LATS2: variants seen among roughly 807,000 people sequenced by gnomAD.
LATS2 encodes serine/threonine-protein kinase LATS2.
Under a neutral mutation model 76.0 loss-of-function variants are expected in LATS2, and 24 were observed. The ratio of observed to expected loss-of-function variants is 0.32; its 90% confidence interval spans 0.23 to 0.44. The LOEUF is 0.44. Among genes scored for constraint, LATS2 ranks in the 20% least tolerant of loss-of-function variants. The probability of loss-of-function intolerance (pLI) is 1.00; values close to 1 mark genes in which losing one functional copy is unlikely to be tolerated. For synonymous variants in LATS2, 692 were observed against 635.4 expected (o/e 1.09, Z -1.34); for missense variants, 1,286 against 1,481.2 (o/e 0.87, Z 2.16).
At chr13:20,983,153 A>ATT (rs1869973260) in intron 5 of LATS2, 71 bp downstream of exon 5, 1 of 1,058,014 alleles carries the variant, frequency 9.5e-7, no homozygotes, top group Admixed American at 2.2e-5. Context: ...AGGATGGGAA[A>ATT]TTTAGTTGCT....
chr13:21,012,307 C>G (rs1871622369), intron 2 of LATS2, among the ~76,000 whole-genome samples: 2 of 152,152 alleles, frequency 1.3e-5, no homozygotes, highest in African/African-American at 4.8e-5. Context: ...GAGGGAATGT[C>G]AAGGCCTAGG....
intron 7 of LATS2, among the ~76,000 whole-genome samples, chr13:20,976,631 T>C (rs984248586): frequency 6.6e-6 from 1 of 152,078 alleles, no homozygotes; most frequent in East Asian, 1.9e-4. Context: ...AAAAGGGTAA[T>C]GGACTTGAGG....
rs549408939 is a variant in LATS2 at position 21,012,795 on chromosome 13, C to G, written c.343-21391G>C. Among the ~76,000 whole-genome samples the G allele has an allele frequency of 3.3e-4, 50 of 150,842 alleles. No homozygotes were observed. The East Asian group carries it at 7.8e-3, about 23-fold the overall frequency. ...GATTGGGTGAATCACACCCCCCCCC[C>G]ACCTCCTAGGAAATAAGGGTTCCTA... On this transcript the variant is annotated intron_variant, in intron 2 of 7. Transcript: ENST00000382592.
chr13:20,981,444 T>C (rs1209107183), intron 6 of LATS2, 22 bp downstream of exon 6: 1 of 1,600,236 alleles, frequency 6.2e-7, no homozygotes, highest in East Asian at 2.2e-5. Flanking sequence ...TCCTGCGGGG[T>C]GGCTGGCCAT....
At chr13:21,051,835 T>C (rs1199348630) in intron 1 of LATS2, among the ~76,000 whole-genome samples, 1 of 151,732 alleles carries the variant, frequency 6.6e-6, no homozygotes, top group Non-Finnish European at 1.5e-5. Flanking sequence ...GGCACACCTA[T>C]GGTCCCAGCT....
intron 2 of LATS2, among the ~76,000 whole-genome samples, chr13:21,042,754 C>T (rs1205435740): frequency 6.6e-6 from 1 of 151,856 alleles, no homozygotes; most frequent in South Asian, 2.1e-4. Flanking sequence ...TTTGGGAGGC[C>T]TAAGAGGGCG....
intron 2 of LATS2, among the ~76,000 whole-genome samples, chr13:20,997,304 G>A (rs1299191502): frequency 1.3e-5 from 2 of 152,190 alleles, no homozygotes; most frequent in East Asian, 3.8e-4. Context: ...CTTACATTTT[G>A]TCAACAAATT....
intron 4 of LATS2, among the ~76,000 whole-genome samples, chr13:20,986,931 A>G (rs374103407): frequency 9.1e-4 from 138 of 152,328 alleles, no homozygotes; most frequent in African/African-American, 3.0e-3. Flanking sequence ...GGTGGCTCAC[A>G]CGTGTAATTC....
At chr13:21,053,883 C>T (rs530327797) in intron 1 of LATS2, among the ~76,000 whole-genome samples, 1 of 152,120 alleles carries the variant, frequency 6.6e-6, no homozygotes, top group African/African-American at 2.4e-5. Flanking sequence ...TTCATAGAGA[C>T]AGAAAGAAGA....
At chr13:21,037,981 C>T (rs772790311) in intron 2 of LATS2, among the ~76,000 whole-genome samples, 3 of 152,164 alleles carry the variant, frequency 2.0e-5, no homozygotes, top group African/African-American at 4.8e-5. Context: ...GGGCTAGACA[C>T]GGTGGCCCAC....
chr13:21,009,392 C>A (rs1398893006), intron 2 of LATS2, among the ~76,000 whole-genome samples: 1 of 152,186 alleles, frequency 6.6e-6, no homozygotes, highest in Non-Finnish European at 1.5e-5. Flanking sequence ...ACTATTCCTG[C>A]AAACTGGTTC....
intron 2 of LATS2, chr13:21,005,560 C>G (rs1871230315): frequency 6.6e-6 from 1 of 152,142 alleles, no homozygotes; most frequent in Non-Finnish European, 1.5e-5. Flanking sequence ...AAGACAAAGC[C>G]CTGTCTGCTG....
chr13:21,024,761 C>CA (rs764363947), intron 2 of LATS2, among the ~76,000 whole-genome samples: 9 of 151,176 alleles, frequency 6.0e-5, no homozygotes, highest in Non-Finnish European at 8.8e-5. Context: ...ATTAACATTT[C>CA]AACAAGTAAG....
Position 20,973,916 on chromosome 13 carries a change from G to A in LATS2, c.*954C>T, listed in dbSNP as rs959872016. On this transcript the variant is annotated 3_prime_UTR_variant, in exon 8 of 8. Transcript: ENST00000382592. ...GTCCGTGATTAAACTTTTTGGCATC[G>A]CTGTATTAATCCCTTTTGATGTATA... 5.5e-5 allele frequency: 12 copies of A among 219,960 alleles called. No homozygotes were observed. The highest frequency in any genetic ancestry group is 1.9e-4 in the South Asian group (1 of 5,360). The allele number at this position is 219,960 out of a possible 1,614,324, so 13.6% of individuals were successfully genotyped here.
intron 1 of LATS2, among the ~76,000 whole-genome samples, chr13:21,054,752 T>C (rs1404335622): frequency 6.6e-6 from 1 of 152,056 alleles, no homozygotes; most frequent in Non-Finnish European, 1.5e-5. Flanking sequence ...TCAGGAGTCC[T>C]GGTTTTTCTT....
At chr13:21,024,828 C>T (rs997105257) in intron 2 of LATS2, among the ~76,000 whole-genome samples, 10 of 152,058 alleles carry the variant, frequency 6.6e-5, no homozygotes, top group Non-Finnish European at 1.3e-4. Context: ...TCTTCCAAAT[C>T]GGGTGTGTAT....
At chr13:21,049,959 A>G (rs1055823045) in intron 1 of LATS2, among the ~76,000 whole-genome samples, 3 of 152,022 alleles carry the variant, frequency 2.0e-5, no homozygotes, top group Non-Finnish European at 4.4e-5. Flanking sequence ...TGTCTCTACT[A>G]AAAATACAAA....
At chr13:21,004,639 A>C (rs1349736818) in intron 2 of LATS2, among the ~76,000 whole-genome samples, 1 of 152,164 alleles carries the variant, frequency 6.6e-6, no homozygotes, top group Admixed American at 6.5e-5. Context: ...CCCTGCCTCC[A>C]ACCTGGCAGG....
intron 2 of LATS2, among the ~76,000 whole-genome samples, chr13:21,007,588 G>GTGTA (rs1555225460): frequency 0.013 from 48 of 3,820 alleles, 5 homozygotes; most frequent in African/African-American, 0.018. Flanking sequence ...TATATATATA[G>GTGTA]TATATATATA....
Sources: allele counts gnomAD v4.1 joint callset (sites outside exome capture counted in the v4.1 genomes callset), GRCh38; gene constraint gnomAD v4.1.1; transcripts MANE v1.5; gene names NCBI Gene and HGNC (gene_info 2026-07-23, HGNC 2026-07-21).